NLGN1: variants seen among roughly 807,000 people sequenced by gnomAD.
NLGN1 encodes the protein neuroligin 1.
In NLGN1, 12 loss-of-function variants were observed where a neutral mutation model predicts 65.5. The ratio of observed to expected loss-of-function variants is 0.18; its 90% CI spans 0.12 to 0.30. The LOEUF is 0.30. Ranked by LOEUF, NLGN1 falls within the 10% of genes least tolerant of loss-of-function variation. NLGN1 has a pLI of 1.00. For synonymous variants in NLGN1, 350 were observed against 359.5 expected (o/e 0.97, Z 0.30); for missense variants, 750 against 1,007.1 (o/e 0.74, Z 3.46).
chr3:173,690,068 A>T (rs1243878120), intron 3 of NLGN1, among the ~76,000 whole-genome samples: 1 of 152,158 alleles, frequency 6.6e-6, no homozygotes, highest in Non-Finnish European at 1.5e-5. Context: ...GAATTTTCCG[A>T]ATATTAATCA....
chr3:173,834,026 A>G (rs1372176762), intron 4 of NLGN1, among the ~76,000 whole-genome samples: 1 of 152,130 alleles, frequency 6.6e-6, no homozygotes, highest in Non-Finnish European at 1.5e-5. Flanking sequence ...TTTAGTATGT[A>G]GAAAATAAGA....
intron 4 of NLGN1, among the ~76,000 whole-genome samples, chr3:174,199,098 C>T (rs1488432666): frequency 3.9e-5 from 6 of 152,078 alleles, no homozygotes; most frequent in African/African-American, 9.7e-5. Flanking sequence ...CCGCCCACCT[C>T]GGCCTCCCAA....
intron 3 of NLGN1, among the ~76,000 whole-genome samples, chr3:173,761,322 A>C (rs928737464): frequency 1.4e-4 from 22 of 152,172 alleles, no homozygotes; most frequent in African/African-American, 4.6e-4. Flanking sequence ...TAAAGAAAGA[A>C]GCTGTCTCCC....
At chr3:173,701,276 A>C (rs969542370) in intron 3 of NLGN1, among the ~76,000 whole-genome samples, 19 of 152,340 alleles carry the variant, frequency 1.2e-4, no homozygotes, top group African/African-American at 4.1e-4. Flanking sequence ...TACAGATGTT[A>C]TAGCGTATCT....
chr3:173,519,134 C>T (rs1264840204), intron 2 of NLGN1, among the ~76,000 whole-genome samples: 1 of 152,164 alleles, frequency 6.6e-6, no homozygotes, highest in African/African-American at 2.4e-5. Context: ...GATAAGCCTG[C>T]ATGTGTGCAG....
At chr3:173,464,319 T>C (rs996058071) in intron 2 of NLGN1, among the ~76,000 whole-genome samples, 1 of 152,304 alleles carries the variant, frequency 6.6e-6, no homozygotes, top group South Asian at 2.1e-4. Context: ...CCAAAAACTA[T>C]GCTGGTAGAG....
intron 4 of NLGN1, among the ~76,000 whole-genome samples, chr3:173,907,245 T>C (rs1302238096): frequency 6.6e-6 from 1 of 152,208 alleles, no homozygotes; most frequent in East Asian, 1.9e-4. Flanking sequence ...AATATTTAAG[T>C]GTAAGGATAT....
intron 4 of NLGN1, among the ~76,000 whole-genome samples, chr3:173,903,449 T>A (rs1039135063): frequency 3.3e-5 from 5 of 152,168 alleles, no homozygotes; most frequent in Non-Finnish European, 7.3e-5. Flanking sequence ...GATAATTTAA[T>A]CTTTGTACTT....
At chr3:173,419,922 G>A (rs750988458) in intron 1 of NLGN1, among the ~76,000 whole-genome samples, 3 of 151,404 alleles carry the variant, frequency 2.0e-5, no homozygotes, top group African/African-American at 7.3e-5. Flanking sequence ...GCAGTAAGCC[G>A]AGATCGCACC....
chr3:173,413,239 G>A (rs184505443), intron 1 of NLGN1, among the ~76,000 whole-genome samples: 2 of 152,112 alleles, frequency 1.3e-5, no homozygotes, highest in African/African-American at 4.8e-5. Flanking sequence ...TTGCCTCTGA[G>A]ACAAGGAAGT....
At position 173,918,020 on chromosome 3, in the gene NLGN1, G is replaced by A. The variant is rs138626864; in HGVS notation, c.646+110188G>A. Among the ~76,000 whole-genome samples, 1,511 of 152,124 alleles carry A rather than the reference G, an allele frequency of 9.9e-3. 12 individuals carry two copies. Among genetic ancestry groups the A allele is most frequent in the Non-Finnish European group, 0.017 (1,153 of 67,998 alleles). On this transcript the variant is annotated intron_variant, in intron 4 of 6. Coordinates refer to ENST00000457714, the Ensembl canonical transcript of NLGN1. ...TTCTGTAAAACTGCAGTAAGAACAC[G>A]TACCTCTAAGGCTGTTTTATGAATT...
At chr3:173,940,780 A>C (rs1213020102) in intron 4 of NLGN1, among the ~76,000 whole-genome samples, 1 of 152,204 alleles carries the variant, frequency 6.6e-6, no homozygotes, top group Non-Finnish European at 1.5e-5. Context: ...TATTTCTCAT[A>C]AGTAGTTAAA....
chr3:173,914,093 A>G (rs902686542), intron 4 of NLGN1, among the ~76,000 whole-genome samples: 3 of 152,102 alleles, frequency 2.0e-5, no homozygotes, highest in Non-Finnish European at 4.4e-5. Flanking sequence ...CTTACAATAC[A>G]CAGTTGATAT....
intron 4 of NLGN1, among the ~76,000 whole-genome samples, chr3:174,020,091 A>G (rs1727434737): frequency 6.6e-6 from 1 of 152,164 alleles, no homozygotes; most frequent in South Asian, 2.1e-4. Flanking sequence ...AATTTTTTAA[A>G]AAGATAAATA....
chr3:173,551,463 T>C (rs1237134972), intron 2 of NLGN1, among the ~76,000 whole-genome samples: 22 of 152,242 alleles, frequency 1.4e-4, no homozygotes, highest in Admixed American at 1.4e-3. Flanking sequence ...AATTGTTTCA[T>C]GTTTTTTAAA....
Position 174,127,324 on chromosome 3 carries a change from G to A in NLGN1, c.647-147991G>A, listed in dbSNP as rs7627659. Among the ~76,000 whole-genome samples, 17 of 151,896 alleles carry A rather than the reference G, an allele frequency of 1.1e-4. No homozygotes were observed. The East Asian group carries it at 2.7e-3, about 24-fold the overall frequency. ...GTAGAGTGGAACCATGTGATCCAAGGGTGTGGTTATTTTCTATTATTTAAG... is the reference window on the plus strand; with the variant it reads ...GTAGAGTGGAACCATGTGATCCAAGAGTGTGGTTATTTTCTATTATTTAAG... On this transcript the variant is annotated intron_variant, in intron 4 of 6. Coordinates refer to ENST00000457714, the Ensembl canonical transcript of NLGN1.
intron 4 of NLGN1, among the ~76,000 whole-genome samples, chr3:174,181,901 AG>A (rs1730493466): frequency 1.4e-5 from 2 of 146,494 alleles, no homozygotes; most frequent in South Asian, 4.4e-4. Flanking sequence ...ACATGAGCCC[AG>A]GGAGGTCAAG....
chr3:174,068,913 G>A (rs2152530857), intron 4 of NLGN1, among the ~76,000 whole-genome samples: 1 of 152,262 alleles, frequency 6.6e-6, no homozygotes, highest in African/African-American at 2.4e-5. Flanking sequence ...ATGCTGTGGG[G>A]TAATTCTAGA....
chr3:173,521,192 T>C (rs1452141246), intron 2 of NLGN1, among the ~76,000 whole-genome samples: 2 of 152,182 alleles, frequency 1.3e-5, no homozygotes, highest in African/African-American at 4.8e-5. Context: ...GCAGACAACA[T>C]ACATATAATA....
Sources: gnomAD v4.1 joint callset for allele counts (sites outside exome capture counted in the v4.1 genomes callset) on GRCh38, gnomAD v4.1.1 for gene constraint, MANE v1.5 for transcripts, NCBI Gene and HGNC (gene_info 2026-07-23, HGNC 2026-07-21) for gene names.